Variants in DCDC1 observed in about 807,000 individuals in gnomAD.
DCDC1 encodes doublecortin domain-containing protein 1.
A neutral mutation model predicts 178.3 loss-of-function variants in DCDC1; 200 were observed. That is an observed-to-expected ratio of 1.12 (90% CI 1.00 to 1.26). The LOEUF is 1.26. Ranked by LOEUF, DCDC1 falls within the 50% of genes most tolerant of loss-of-function variation. The probability of loss-of-function intolerance (pLI) is 0.00; values close to 1 mark genes in which losing one functional copy is unlikely to be tolerated. For synonymous variants in DCDC1, 690 were observed against 604.8 expected (o/e 1.14, Z -2.07); for missense variants, 1,983 against 1,749.2 (o/e 1.13, Z -2.38).
In DCDC1 at chr11:31,137,793, A is replaced by T. The variant is rs1238391436; in HGVS notation, c.1222-9T>A. On this transcript the variant is annotated splice_polypyrimidine_tract_variant and intron_variant, in intron 9 of 38. Coordinates refer to ENST00000684477, the MANE Select transcript of DCDC1 (RefSeq NM_001387274.1). ...TTCATGACCAGGTTCAACTAGAAAA[A>T]ACAAATAAACAGCATGAAAGCAGGT... 1.4e-6 allele frequency: 1 copy of T among 701,518 alleles called. No individual in the cohort carries two copies. The highest frequency in any genetic ancestry group is 1.5e-5 in the South Asian group (1 of 67,242). 43.5% of individuals were successfully genotyped at this position (701,518 alleles called of 1,614,324 possible). A position where few individuals can be genotyped will look rare whatever the true frequency, so the allele number is the denominator to read the frequency against.
At chr11:31,015,175 C>T (rs1952417708) in intron 20 of DCDC1, among the ~76,000 whole-genome samples, 1 of 152,028 alleles carries the variant, frequency 6.6e-6, no homozygotes, top group South Asian at 2.1e-4. Context: ...GTCTCGATCT[C>T]CTGACCTCGT....
intron 20 of DCDC1, among the ~76,000 whole-genome samples, chr11:31,049,475 T>G (rs561879976): frequency 2.4e-4 from 37 of 152,274 alleles, no homozygotes; most frequent in African/African-American, 8.9e-4. Context: ...GAATTAAAGA[T>G]GTTTGGGGGA....
chr11:31,075,629 C>G (rs932463634), intron 18 of DCDC1, among the ~76,000 whole-genome samples: 3 of 152,112 alleles, frequency 2.0e-5, no homozygotes, highest in African/African-American at 7.2e-5. Flanking sequence ...TTTTGCAGTT[C>G]TCTGATGATT....
chr11:31,139,189 G>A (rs1278813176), intron 9 of DCDC1, among the ~76,000 whole-genome samples: 1 of 152,012 alleles, frequency 6.6e-6, no homozygotes, highest in Non-Finnish European at 1.5e-5. Context: ...ATATGTATAT[G>A]AGCATGACTG....
intron 36 of DCDC1, among the ~76,000 whole-genome samples, chr11:30,890,438 A>G (rs1220971405): frequency 6.6e-6 from 1 of 152,202 alleles, no homozygotes; most frequent in Non-Finnish European, 1.5e-5. Context: ...AAGTTCCATC[A>G]GAGTTCCTGA....
rs1951921910 is a variant in DCDC1, at chr11:31,365,649, G to GTGATA, written c.-125+4043_-125+4047dup. Among the ~76,000 whole-genome samples the GTGATA allele has an allele frequency of 2.0e-5, 3 of 152,138 alleles. No individual in the cohort carries two copies. The South Asian group carries it at 6.2e-4, about 31-fold the overall frequency. On this transcript the variant is annotated intron_variant, in intron 1 of 38. Transcript: ENST00000684477. ...AGTTTACGGGCAGGCGTGTACCAAA[G>GTGATA]TGATAGATTTAATAACAATGTCATT...
At chr11:31,344,522 C>T (rs1025037677) in intron 1 of DCDC1, among the ~76,000 whole-genome samples, 11 of 152,132 alleles carry the variant, frequency 7.2e-5, no homozygotes, top group African/African-American at 1.7e-4. Flanking sequence ...GGACAAGTTA[C>T]GTAACATCTT....
At chr11:30,987,934 G>A (rs1950747067) in intron 20 of DCDC1, among the ~76,000 whole-genome samples, 1 of 152,158 alleles carries the variant, frequency 6.6e-6, no homozygotes, top group African/African-American at 2.4e-5. Context: ...TGTAGATAGA[G>A]AAAGGCTTAG....
intron 7 of DCDC1, 147 bp downstream of exon 7, chr11:31,290,500 G>T: frequency 1.2e-6 from 1 of 802,642 alleles, no homozygotes; most frequent in Non-Finnish European, 1.9e-6. Context: ...TTATAAACAG[G>T]TTTATACAGA....
chr11:31,214,307 A>C (rs780097797), intron 9 of DCDC1, among the ~76,000 whole-genome samples: 1 of 152,220 alleles, frequency 6.6e-6, no homozygotes, highest in Non-Finnish European at 1.5e-5. Context: ...TACCTATATG[A>C]AACTTTAGTT....
chr11:31,028,745 GC>G (rs1953426488), intron 20 of DCDC1, among the ~76,000 whole-genome samples: 2 of 152,038 alleles, frequency 1.3e-5, no homozygotes, highest in South Asian at 4.2e-4. Context: ...TTGAACATGG[GC>G]TTTCTACTAA....
chr11:31,044,535 A>G (rs1954698473), intron 20 of DCDC1, among the ~76,000 whole-genome samples: 1 of 151,822 alleles, frequency 6.6e-6, no homozygotes, highest in South Asian at 2.1e-4. Context: ...GCTAGCTCTG[A>G]AGATGGAAGG....
At chr11:31,211,725 T>G (rs1972555776) in intron 9 of DCDC1, among the ~76,000 whole-genome samples, 4 of 152,096 alleles carry the variant, frequency 2.6e-5, no homozygotes, top group Non-Finnish European at 5.9e-5. Flanking sequence ...GCAGTTATAG[T>G]TTACGTTCCA....
chr11:30,955,717 A>G (rs1316137447), intron 20 of DCDC1, among the ~76,000 whole-genome samples: 1 of 152,030 alleles, frequency 6.6e-6, no homozygotes, highest in Non-Finnish European at 1.5e-5. Context: ...ATACCCCGTA[A>G]CCTCCCTGCC....
chr11:31,290,919 T>C (rs1240094022), intron 6 of DCDC1, 67 bp from the exon 7 acceptor site: 2 of 1,390,250 alleles, frequency 1.4e-6, no homozygotes, highest in African/African-American at 1.4e-5. Flanking sequence ...ACATCATACT[T>C]CCCTCCCTCT....
intron 20 of DCDC1, among the ~76,000 whole-genome samples, chr11:30,980,160 C>T (rs888113273): frequency 2.6e-5 from 4 of 152,144 alleles, no homozygotes; most frequent in Non-Finnish European, 5.9e-5. Flanking sequence ...TTCAGTACAT[C>T]CCCAGTGCCT....
intron 7 of DCDC1, among the ~76,000 whole-genome samples, chr11:31,272,179 C>T (rs1240616741): frequency 6.8e-6 from 1 of 146,724 alleles, no homozygotes; most frequent in Non-Finnish European, 1.5e-5. Flanking sequence ...AAAAAAAAAC[C>T]ACCAGAGCTG....
chr11:31,127,787 A>G, intron 10 of DCDC1, 148 bp from the exon 11 acceptor site: 1 of 553,674 alleles, frequency 1.8e-6, no homozygotes, highest in South Asian at 2.4e-5. Flanking sequence ...AAAACAATGA[A>G]AGAGATATAC....
intron 1 of DCDC1, among the ~76,000 whole-genome samples, chr11:31,354,996 C>T (rs1358439715): frequency 1.3e-5 from 2 of 149,546 alleles, no homozygotes; most frequent in African/African-American, 2.4e-5. Context: ...TGGTGTTGCA[C>T]TGGGACAACA....
Sources: allele counts gnomAD v4.1 joint callset (sites outside exome capture counted in the v4.1 genomes callset), GRCh38; gene constraint gnomAD v4.1.1; transcripts MANE v1.5; gene names NCBI Gene and HGNC (gene_info 2026-07-23, HGNC 2026-07-21).